The following TENM2 variants were observed in gnomAD, a reference collection of about 807,000 sequenced individuals.
TENM2 encodes teneurin transmembrane protein 2.
Under a neutral mutation model 245.2 loss-of-function variants are expected in TENM2, and 52 were observed. That is an observed-to-expected ratio of 0.21 (90% CI 0.17 to 0.27). TENM2 has a LOEUF of 0.27. Ranked by LOEUF, TENM2 falls within the 10% of genes least tolerant of loss-of-function variation. The pLI is 1.00. For missense variants in TENM2, 3,046 were observed against 3,666.8 expected (o/e 0.83, Z 4.37); for synonymous variants, 1,363 against 1,438.9 (o/e 0.95, Z 1.19).
At chr5:167,753,768 A>G (rs908030172) in intron 2 of TENM2, among the ~76,000 whole-genome samples, 2 of 152,180 alleles carry the variant, frequency 1.3e-5, no homozygotes, top group Non-Finnish European at 2.9e-5. Flanking sequence ...ATAGGTGGAT[A>G]GTATTTCTGC....
chr5:167,034,227 G>A, the TENM2 span, among the ~76,000 whole-genome samples: 1 of 152,156 alleles, frequency 6.6e-6, no homozygotes, highest in Non-Finnish European at 1.5e-5. Context: ...GCTTATACAT[G>A]TTAGAATGAG....
chr5:167,473,742 T>C lies in TENM2; in HGVS notation c.502+98269T>C, dbSNP rs568815241. ...ACATGTCAGTGCAGCTAGTTACTAA[T>C]TGTGTGATATTGGACACATCTGTTT... is the stretch of plus-strand genomic sequence containing the variant. On this transcript the variant is annotated intron_variant, in intron 2 of 28. Coordinates refer to ENST00000518659, the Ensembl canonical transcript of TENM2. Among the ~76,000 whole-genome samples, 7 of 151,834 alleles carry C rather than the reference T, an allele frequency of 4.6e-5. No homozygotes were observed. In the South Asian group the frequency reaches 1.2e-3, roughly 27 times the overall value.
intron 2 of TENM2, among the ~76,000 whole-genome samples, chr5:167,544,018 T>C (rs1400145338): frequency 6.6e-6 from 1 of 152,156 alleles, no homozygotes; most frequent in African/African-American, 2.4e-5. Context: ...GGTACTGGGG[T>C]CCAGGACTTC....
chr5:167,672,471 C>G (rs1283098182), intron 2 of TENM2, among the ~76,000 whole-genome samples: 2 of 152,036 alleles, frequency 1.3e-5, no homozygotes, highest in Non-Finnish European at 2.9e-5. Flanking sequence ...CTGTGGCCTT[C>G]TGGTGATCTA....
the TENM2 span, among the ~76,000 whole-genome samples, chr5:167,064,797 C>G: frequency 6.6e-6 from 1 of 152,060 alleles, no homozygotes; most frequent in African/African-American, 2.4e-5. Flanking sequence ...TTGCACATTA[C>G]AAATAGTAAC....
At chr5:167,629,409 T>C (rs1778720787) in intron 2 of TENM2, among the ~76,000 whole-genome samples, 1 of 152,266 alleles carries the variant, frequency 6.6e-6, no homozygotes. Flanking sequence ...CTGTAAATGC[T>C]ATTCATTAAT....
chr5:167,208,526 A>G, the TENM2 span, among the ~76,000 whole-genome samples: 1 of 152,204 alleles, frequency 6.6e-6, no homozygotes, highest in Non-Finnish European at 1.5e-5. Context: ...GACATAATTA[A>G]TATTTTCTTA....
the TENM2 span, among the ~76,000 whole-genome samples, chr5:167,178,621 C>G: frequency 6.6e-6 from 1 of 151,962 alleles, no homozygotes; most frequent in Admixed American, 6.6e-5. Flanking sequence ...CGAGTACAAC[C>G]TTTTCAAAAC....
intron 3 of TENM2, among the ~76,000 whole-genome samples, chr5:167,894,574 G>C (rs1775021306): frequency 6.6e-6 from 1 of 151,898 alleles, no homozygotes; most frequent in South Asian, 2.1e-4. Context: ...TCCATGGCTG[G>C]TATGGTCATT....
intron 14 of TENM2, 148 bp from the exon 17 acceptor site, chr5:168,195,028 C>T: frequency 1.1e-6 from 1 of 936,498 alleles, no homozygotes; most frequent in Non-Finnish European, 1.6e-6. Context: ...CAAAATGTCA[C>T]TAGCGTGATT....
intron 3 of TENM2, among the ~76,000 whole-genome samples, chr5:167,945,807 G>A (rs1583449200): frequency 6.6e-6 from 1 of 152,198 alleles, no homozygotes; most frequent in East Asian, 1.9e-4. Context: ...GCTGAGCGGG[G>A]TGCTTCCTTC....
chr5:167,606,352 A>G (rs1208832143), intron 2 of TENM2, among the ~76,000 whole-genome samples: 1 of 152,082 alleles, frequency 6.6e-6, no homozygotes, highest in Non-Finnish European at 1.5e-5. Flanking sequence ...TTGATTCTCA[A>G]ATGGCAAGGA....
intron 2 of TENM2, among the ~76,000 whole-genome samples, chr5:167,388,303 G>T (rs367732926): frequency 2.6e-5 from 4 of 151,988 alleles, no homozygotes; most frequent in Non-Finnish European, 4.4e-5. Context: ...TATGCATAGC[G>T]TTCATAGTAG....
chr5:167,480,996 AT>A (rs1767722792), intron 2 of TENM2, among the ~76,000 whole-genome samples: 1 of 152,216 alleles, frequency 6.6e-6, no homozygotes, highest in Admixed American at 6.6e-5. Context: ...CACATTTTGG[AT>A]ATCGGAACCC....
chr5:167,917,566 T>C (rs918107093), intron 3 of TENM2, among the ~76,000 whole-genome samples: 4 of 152,144 alleles, frequency 2.6e-5, no homozygotes, highest in African/African-American at 4.8e-5. Flanking sequence ...ACCTGCTTGC[T>C]TGTGACCTTG....
intron 2 of TENM2, chr5:167,660,184 T>G (rs1051363608): frequency 1.3e-5 from 2 of 152,026 alleles, no homozygotes; most frequent in Non-Finnish European, 2.9e-5. Context: ...GATGTTGGAC[T>G]GGGCGTGGTG....
the TENM2 span, among the ~76,000 whole-genome samples, chr5:167,163,664 G>A: frequency 2.0e-5 from 3 of 152,126 alleles, no homozygotes; most frequent in Non-Finnish European, 2.9e-5. Flanking sequence ...GGGGACTGCT[G>A]ATTACGGTAA....
intron 2 of TENM2, among the ~76,000 whole-genome samples, chr5:167,737,756 G>C (rs7715344): frequency 0.082 from 12,529 of 152,262 alleles, 656 homozygotes; most frequent in African/African-American, 0.15. Flanking sequence ...ACAACTAGCA[G>C]TATTTAGAAA....
intron 2 of TENM2, among the ~76,000 whole-genome samples, chr5:167,789,656 G>A (rs189155606): frequency 8.9e-4 from 135 of 152,138 alleles, no homozygotes; most frequent in Non-Finnish European, 1.5e-3. Flanking sequence ...ATTCCAGCCC[G>A]CTTTCTCTCA....
Sources: gnomAD v4.1 joint callset for allele counts (sites outside exome capture counted in the v4.1 genomes callset) on GRCh38, gnomAD v4.1.1 for gene constraint, MANE v1.5 for transcripts, NCBI Gene and HGNC (gene_info 2026-07-23, HGNC 2026-07-21) for gene names.